Variants in TEP1 observed in about 807,000 individuals in gnomAD.
The protein encoded by TEP1 is telomerase associated protein 1, also known as telomerase protein component 1.
Under a neutral mutation model 306.3 loss-of-function variants are expected in TEP1, and 241 were observed. That is an observed-to-expected ratio of 0.79 (90% CI 0.71 to 0.88). TEP1 has a LOEUF of 0.88. Among genes scored for constraint, TEP1 ranks in the 40% least tolerant of loss-of-function variants. The pLI is 0.00. For synonymous variants in TEP1, 1,289 were observed against 1,305.5 expected (o/e 0.99, Z 0.27); for missense variants, 3,051 against 3,276.1 (o/e 0.93, Z 1.68).
intron 53 of TEP1, 63 bp from the exon 54 acceptor site, chr14:20,368,965 C>T: frequency 8.5e-7 from 1 of 1,182,928 alleles, no homozygotes; most frequent in Non-Finnish European, 1.2e-6. Flanking sequence ...AGAGAAGCAT[C>T]ACAATGTGCT....
intron 1 of TEP1, among the ~76,000 whole-genome samples, chr14:20,412,497 T>C (rs1408367519): frequency 6.6e-6 from 1 of 152,166 alleles, no homozygotes; most frequent in African/African-American, 2.4e-5. Context: ...AAGTAAACAT[T>C]GCTCACAGTT....
At chr14:20,372,412 G>C (rs1393377424) in intron 49 of TEP1, among the ~76,000 whole-genome samples, 3 of 149,916 alleles carry the variant, frequency 2.0e-5, no homozygotes, top group Middle Eastern at 3.2e-3. Context: ...GTGTGTGTGT[G>C]TATCTTCATT....
In TEP1 at chr14:20,394,474, C is replaced by CTTTTTTT. The variant is rs747749338; in HGVS notation, c.1928+969_1928+975dup. Among the ~76,000 whole-genome samples the CTTTTTTT allele has an allele frequency of 3.8e-4, 38 of 100,448 alleles. 1 individual carries two copies. The highest frequency in any genetic ancestry group is 4.4e-4 in the Non-Finnish European group (23 of 52,618). 65.9% of individuals were successfully genotyped at this position (100,448 alleles called of 152,430 possible). On this transcript the variant is annotated intron_variant, in intron 12 of 54. Transcript: ENST00000262715. ...ATACCATTTGGACTGGCCCCTTGGGCTTTTTTTTTTTTTTTTTTTTTTGAG... is the reference window on the plus strand; with the variant it reads ...ATACCATTTGGACTGGCCCCTTGGGCTTTTTTTTTTTTTTTTTTTTTTTTTTTTTGAG...
chr14:20,376,858 C>T (rs913208167), intron 41 of TEP1, among the ~76,000 whole-genome samples: 1 of 152,218 alleles, frequency 6.6e-6, no homozygotes, highest in Admixed American at 6.5e-5. Context: ...CAAAATCGCA[C>T]ATGTGTATTT....
chr14:20,387,214 G>A (rs574701502), intron 18 of TEP1, among the ~76,000 whole-genome samples: 158 of 149,252 alleles, frequency 1.1e-3, no homozygotes, highest in Admixed American at 1.4e-3. Context: ...GATTACAGGC[G>A]TGAGCCACGG....
intron 39 of TEP1, 46 bp downstream of exon 39, chr14:20,377,978 T>C: frequency 1.2e-6 from 2 of 1,601,002 alleles, no homozygotes; most frequent in South Asian, 1.1e-5. Context: ...TTCTTTGCCT[T>C]TGCTACTCCT....
At chr14:20,408,490 A>G (rs1283973440) in intron 1 of TEP1, 27 bp from the exon 2 acceptor site, 7 of 1,559,694 alleles carry the variant, frequency 4.5e-6, no homozygotes, top group Non-Finnish European at 6.1e-6. Context: ...ACAGGAGATG[A>G]GCACCTGGCT....
chr14:20,379,874 G>C, intron 35 of TEP1, 56 bp downstream of exon 35: 2 of 1,566,692 alleles, frequency 1.3e-6, no homozygotes, highest in South Asian at 2.4e-5. Context: ...TAGGGCTTCA[G>C]GGCAGTCTGC....
At position 20,378,415 on chromosome 14, in the gene TEP1, T is replaced by C. The variant is rs938248307; in HGVS notation, c.5473A>G (p.Ser1825Gly). 4.3e-6 allele frequency: 7 copies of C among 1,614,128 alleles called. No homozygotes were observed. The highest frequency in any genetic ancestry group is 1.6e-4 in the Middle Eastern group (1 of 6,084). Residue 1825 changes from serine to glycine, a missense_variant, in exon 38 of 55, where the codon AGC becomes GGC. Physicochemically the swap from Ser to Gly is moderately conservative, Grantham distance 56. Transcript: ENST00000262715. ...TTGAGCCCATCCACCTGGAAGAAGC[T>C]GATGCTGCCAGCCCAGCTGCCTGTG... ...IATGSWAGSI[S>G]FFQVDGLKVT...
At chr14:20,378,312 C>CT (rs1885322075) in intron 38 of TEP1, 68 bp downstream of exon 38, 4 of 1,611,720 alleles carry the variant, frequency 2.5e-6, no homozygotes, top group Non-Finnish European at 3.4e-6. Flanking sequence ...ATGCTGCTGT[C>CT]TGTCGTCTGC....
Position 20,407,992 on chromosome 14 carries a change from G to C in TEP1, c.448C>G (p.Leu150Val), listed in dbSNP as rs1247983079. Residue 150 changes from leucine (L) to valine (V), a missense_variant, in exon 2 of 55, where the codon CTG becomes GTG. Coordinates refer to ENST00000262715, the MANE Select transcript of TEP1 (RefSeq NM_007110.5). ...DLYRVNNSNCLLSEPPSWRAQ... is the reference protein window; with the variant it reads ...DLYRVNNSNCVLSEPPSWRAQ... The stretch of plus-strand genomic sequence containing the variant: ...CTCCAACTTGGAGGCTCAGAGAGCA[G>C]GCAATTGCTGTTGTTCACACGGTAC... 1 of 1,614,214 alleles carries C rather than the reference G, an allele frequency of 6.2e-7. No individual in the cohort carries two copies. Among genetic ancestry groups the C allele is most frequent in the African/African-American group, 1.3e-5 (1 of 75,062 alleles).
intron 3 of TEP1, 69 bp downstream of exon 3, chr14:20,406,164 T>G: frequency 8.4e-6 from 13 of 1,547,888 alleles, no homozygotes; most frequent in Non-Finnish European, 1.1e-5. Context: ...GGGGACCTGG[T>G]TCAAGTACTC....
rs1566466606 is a variant in TEP1 at position 20,390,928 on chromosome 14, A to G, written c.2256+10T>C. Reference sequence around the variant, plus strand: ...ATGTATTTTTGGATGGTGGGTGTTGAGTGTCTGACCTGGACTTGAGCCTGG... The same window carrying G: ...ATGTATTTTTGGATGGTGGGTGTTGGGTGTCTGACCTGGACTTGAGCCTGG... On this transcript the variant is annotated intron_variant, in intron 14 of 54. Coordinates refer to ENST00000262715, the MANE Select transcript of TEP1 (RefSeq NM_007110.5). The G allele has an allele frequency of 6.2e-7, 1 of 1,613,904 alleles. No individual in the cohort carries two copies. Among genetic ancestry groups the G allele is most frequent in the Non-Finnish European group, 8.5e-7 (1 of 1,179,894 alleles).
chr14:20,399,739 G>A (rs1878513804), intron 9 of TEP1, among the ~76,000 whole-genome samples: 1 of 151,518 alleles, frequency 6.6e-6, no homozygotes, highest in African/African-American at 2.4e-5. Context: ...AGCCACCACG[G>A]GATTAGACTA....
intron 37 of TEP1, 84 bp downstream of exon 37, chr14:20,378,670 G>T: frequency 6.3e-7 from 1 of 1,576,414 alleles, no homozygotes; most frequent in Non-Finnish European, 8.7e-7. Flanking sequence ...GGAGTCAGCA[G>T]CCTCTGCCGC....
intron 9 of TEP1, 120 bp downstream of exon 9, chr14:20,400,864 A>G: frequency 7.9e-7 from 1 of 1,263,624 alleles, no homozygotes; most frequent in East Asian, 2.3e-5. Flanking sequence ...TAAATCAAAT[A>G]CAACAACCAG....
In TEP1 at chr14:20,381,486, T is replaced by A; in HGVS notation, c.4558+67A>T. ...AGCTGGCCAGCAGATGGGAGCACAGTGGGTGGTCCTGGCCTCCAGGCCCAA... is the reference window on the plus strand; with the variant it reads ...AGCTGGCCAGCAGATGGGAGCACAGAGGGTGGTCCTGGCCTCCAGGCCCAA... On this transcript the variant is annotated intron_variant, in intron 31 of 54. Transcript: ENST00000262715. The surrounding 1 kb of genome is among the most constrained non-coding windows in gnomAD (Gnocchi z 4.0). 1 of 1,612,546 alleles carries A rather than the reference T, an allele frequency of 6.2e-7. No homozygotes were observed.
In TEP1 at chr14:20,406,349, A is replaced by G. The variant is rs922788941; in HGVS notation, c.619T>C (p.Ser207Pro). The change falls in exon 3 of 55, where the codon TCT becomes CCT. Residue 207 changes from serine (S) to proline (P), a missense_variant. Transcript: ENST00000262715. The part of the protein sequence containing the change: ...EKKGAETQMP[S>P]YSLSLGEEEE... Reference sequence around the variant, plus strand: ...TCCTCTCCCAAGCTCAGACTATAAGAAGGCATTTGGGTCTCTGCCCCTTTC... The same window carrying G: ...TCCTCTCCCAAGCTCAGACTATAAGGAGGCATTTGGGTCTCTGCCCCTTTC... 1.9e-6 allele frequency: 3 copies of G among 1,614,048 alleles called. No homozygotes were observed. Among genetic ancestry groups the G allele is most frequent in the Admixed American group, 1.7e-5 (1 of 59,994 alleles).
At chr14:20,374,357 C>T in intron 44 of TEP1, 72 bp downstream of exon 44, 6 of 1,044,468 alleles carry the variant, frequency 5.7e-6, no homozygotes, top group African/African-American at 1.6e-5. Context: ...ATTAGATACT[C>T]CATGCACCGT....
Sources: gnomAD v4.1 joint callset for allele counts (sites outside exome capture counted in the v4.1 genomes callset) on GRCh38, gnomAD v4.1.1 for gene constraint, Gnocchi (gnomAD v3.1) non-coding constraint, MANE v1.5 for transcripts, NCBI Gene and HGNC (gene_info 2026-07-23, HGNC 2026-07-21) for gene names.